The following RASAL2 variants were observed in gnomAD, a reference collection of about 807,000 sequenced individuals.
RASAL2 encodes RAS protein activator like 2, also known as ras GTPase-activating protein nGAP.
RASAL2 carries 58 observed loss-of-function variants against 128.9 expected under a neutral mutation model. That is an observed-to-expected ratio of 0.45 (90% CI 0.36 to 0.56). The LOEUF (loss-of-function observed/expected upper bound fraction) is 0.56, where lower values mean the gene tolerates loss of function less well. RASAL2 is among the 20% of genes least tolerant of loss of function. The pLI, the probability that RASAL2 is intolerant of heterozygous loss-of-function variation, is 0.00. For missense variants in RASAL2, 1,360 were observed against 1,601.6 expected, an observed-to-expected ratio of 0.85 and a Z score of 2.57; for synonymous variants, 561 against 580.8, an observed-to-expected ratio of 0.97 and a Z score of 0.49.
intron 5 of RASAL2, among the ~76,000 whole-genome samples, chr1:178,438,881 C>CTG (rs3042589): frequency 0.11 from 14,126 of 129,226 alleles, 809 homozygotes; most frequent in South Asian, 0.16. Context: ...AGCTTCGACT[C>CTG]TGTGTGTGTG....
rs776267284 is a variant in RASAL2, at chr1:178,454,661, G to A, written c.2211+13G>A. On this transcript the variant is annotated intron_variant, in intron 12 of 17. Coordinates refer to ENST00000367649, the MANE Select transcript of RASAL2 (RefSeq NM_170692.4). The stretch of plus-strand genomic sequence containing the variant: ...CCAACTTGATAAGGTAAAGTAGGTT[G>A]GTGGAAGATAGAGAACTTTAATGTA... 1 of 1,609,562 alleles carries A rather than the reference G, an allele frequency of 6.2e-7. No homozygotes were observed. Among genetic ancestry groups the A allele is most frequent in the Non-Finnish European group, 8.5e-7 (1 of 1,176,392 alleles).
chr1:178,434,142 T>C (rs2102809279), intron 5 of RASAL2, among the ~76,000 whole-genome samples: 1 of 152,192 alleles, frequency 6.6e-6, no homozygotes, highest in East Asian at 1.9e-4. Context: ...TTCAATGTAG[T>C]TGTGTTTATA....
chr1:178,249,640 G>A (rs181236648), intron 1 of RASAL2, among the ~76,000 whole-genome samples: 1 of 152,140 alleles, frequency 6.6e-6, no homozygotes, highest in South Asian at 2.1e-4. Flanking sequence ...GGAATTTTCA[G>A]CATTTTTGCT....
chr1:178,177,828 A>G (rs970710462), intron 1 of RASAL2, among the ~76,000 whole-genome samples: 1 of 152,222 alleles, frequency 6.6e-6, no homozygotes, highest in African/African-American at 2.4e-5. Flanking sequence ...TTAAATGACT[A>G]TAGAACATGA....
intron 1 of RASAL2, among the ~76,000 whole-genome samples, chr1:178,259,441 T>C (rs943028515): frequency 6.6e-6 from 1 of 152,244 alleles, no homozygotes; most frequent in Non-Finnish European, 1.5e-5. Context: ...AAATCGTCTA[T>C]GTTGATTGCA....
intron 16 of RASAL2, among the ~76,000 whole-genome samples, chr1:178,466,560 A>G (rs1459370239): frequency 6.6e-6 from 1 of 152,222 alleles, no homozygotes; most frequent in Non-Finnish European, 1.5e-5. Flanking sequence ...AAACACTTGT[A>G]TAGCACTCGA....
chr1:178,280,364 G>GAAAACAGTA (rs1271326003), intron 1 of RASAL2, among the ~76,000 whole-genome samples: 1 of 150,370 alleles, frequency 6.7e-6, no homozygotes, highest in Admixed American at 6.6e-5. Flanking sequence ...AATTTTTTTT[G>GAAAACAGTA]AAAACAGTTA....
At chr1:178,234,735 A>C (rs1664157890) in intron 1 of RASAL2, among the ~76,000 whole-genome samples, 1 of 152,176 alleles carries the variant, frequency 6.6e-6, no homozygotes, top group African/African-American at 2.4e-5. Context: ...AGAAGCTCTT[A>C]CCATTAAGAA....
chr1:178,274,246 A>C (rs1666390985), intron 1 of RASAL2, among the ~76,000 whole-genome samples: 1 of 152,130 alleles, frequency 6.6e-6, no homozygotes, highest in Non-Finnish European at 1.5e-5. Flanking sequence ...TAATTTCTCA[A>C]TAGTGAAATT....
In RASAL2 at chr1:178,439,496, GT is replaced by G. The variant is rs1350729803; in HGVS notation, c.750del (p.Leu251TrpfsTer11). The G allele has an allele frequency of 6.2e-7, 1 of 1,612,816 alleles. No homozygotes were observed. Among genetic ancestry groups the G allele is most frequent in the African/African-American group, 1.3e-5 (1 of 74,814 alleles). On this transcript the variant is annotated frameshift_variant, in exon 6 of 18. Coordinates refer to ENST00000367649, the MANE Select transcript of RASAL2 (RefSeq NM_170692.4). LOFTEE classifies it high-confidence loss of function. Reference sequence around the variant, plus strand: ...CTGAGCCCATGCAGCACAGTGGAATGTCTGGATCTTGGTAGAGGGGAACCTG... The same window carrying G: ...CTGAGCCCATGCAGCACAGTGGAATGCTGGATCTTGGTAGAGGGGAACCTG... ...SLLSPCSTVE[C>X]LDLGRGEPVS... is the part of the protein sequence containing the mutation.
At chr1:178,207,904 C>T (rs761752052) in intron 1 of RASAL2, among the ~76,000 whole-genome samples, 3 of 152,130 alleles carry the variant, frequency 2.0e-5, no homozygotes, top group East Asian at 1.9e-4. Context: ...AATCATGTTG[C>T]GGGAGGTCAG....
intron 1 of RASAL2, among the ~76,000 whole-genome samples, chr1:178,266,810 T>C (rs1184528626): frequency 6.6e-6 from 1 of 152,136 alleles, no homozygotes; most frequent in Non-Finnish European, 1.5e-5. Flanking sequence ...AAACTGGCCC[T>C]CCCACCCTAG....
At chr1:178,130,550 A>G (rs1009151232) in intron 1 of RASAL2, among the ~76,000 whole-genome samples, 1 of 152,226 alleles carries the variant, frequency 6.6e-6, no homozygotes, top group Non-Finnish European at 1.5e-5. Flanking sequence ...TCTTGACTAC[A>G]GTATATATTG....
At chr1:178,163,615 G>A (rs977526952) in intron 1 of RASAL2, among the ~76,000 whole-genome samples, 1 of 152,054 alleles carries the variant, frequency 6.6e-6, no homozygotes, top group Admixed American at 6.6e-5. Context: ...AAATTTATGA[G>A]TTTACTTTTA....
intron 1 of RASAL2, among the ~76,000 whole-genome samples, chr1:178,208,451 T>A (rs1229596551): frequency 6.6e-6 from 1 of 152,152 alleles, no homozygotes; most frequent in Non-Finnish European, 1.5e-5. Flanking sequence ...TCTTCTGCAG[T>A]ACCCTCAGGC....
chr1:178,202,314 C>G (rs572708563), intron 1 of RASAL2, among the ~76,000 whole-genome samples: 1 of 152,334 alleles, frequency 6.6e-6, no homozygotes, highest in South Asian at 2.1e-4. Flanking sequence ...CCTGCCTTCT[C>G]TCCCCCAGCC....
At chr1:178,378,914 A>G (rs1324232486) in intron 3 of RASAL2, among the ~76,000 whole-genome samples, 2 of 152,130 alleles carry the variant, frequency 1.3e-5, no homozygotes, top group African/African-American at 4.8e-5. Flanking sequence ...TGAAAATAAG[A>G]GTAGATAATG....
chr1:178,277,496 T>A (rs1296482726), intron 1 of RASAL2, among the ~76,000 whole-genome samples: 1 of 152,230 alleles, frequency 6.6e-6, no homozygotes, highest in African/African-American at 2.4e-5. Flanking sequence ...ATCACTTTAA[T>A]TCTTAGCTTT....
chr1:178,473,488 T>C lies in RASAL2; in HGVS notation c.*249T>C. ...CTGGGCCATGTACAGAAAATATCAC[T>C]GTAATATACCAAAAGGAAGTTAATA... On this transcript the variant is annotated 3_prime_UTR_variant, in exon 18 of 18. Transcript: ENST00000367649. 1 of 521,082 alleles carries C rather than the reference T, an allele frequency of 1.9e-6. No individual in the cohort carries two copies. Among genetic ancestry groups the C allele is most frequent in the Non-Finnish European group, 3.4e-6 (1 of 295,984 alleles). The allele number at this position is 521,082 out of a possible 1,614,324, so 32.3% of individuals were successfully genotyped here. A position where few individuals can be genotyped will look rare whatever the true frequency, so the allele number is the denominator to read the frequency against.
Sources: gnomAD v4.1 joint callset for allele counts (sites outside exome capture counted in the v4.1 genomes callset) on GRCh38, gnomAD v4.1.1 for gene constraint, MANE v1.5 for transcripts, NCBI Gene and HGNC (gene_info 2026-07-23, HGNC 2026-07-21) for gene names.